Variants in CLCN3 observed in about 807,000 individuals in gnomAD.
The protein encoded by CLCN3 is H(+)/Cl(-) exchange transporter 3.
In CLCN3, 16 loss-of-function variants were observed where a neutral mutation model predicts 83.4. The ratio of observed to expected loss-of-function variants is 0.19; its 90% CI spans 0.13 to 0.29. The LOEUF (loss-of-function observed/expected upper bound fraction) is 0.29. Among genes scored for constraint, CLCN3 ranks in the 10% least tolerant of loss-of-function variants. CLCN3 has a pLI of 1.00. For missense variants in CLCN3, 544 were observed against 1,006.0 expected (o/e 0.54, Z 6.21); for synonymous variants, 322 against 346.2 (o/e 0.93, Z 0.78).
chr4:169,673,440 CGTAA>C (rs1031861588), intron 2 of CLCN3, among the ~76,000 whole-genome samples: 1 of 152,136 alleles, frequency 6.6e-6, no homozygotes, highest in Non-Finnish European at 1.5e-5. Context: ...CTTCGTCATT[CGTAA>C]GTCTTTGCAG....
intron 4 of CLCN3, among the ~76,000 whole-genome samples, chr4:169,688,052 C>T (rs1029190870): frequency 2.0e-5 from 3 of 152,266 alleles, no homozygotes; most frequent in East Asian, 1.9e-4. Context: ...ATATTAACAT[C>T]GTAATAAATA....
chr4:169,679,880 C>T (rs533599525), intron 2 of CLCN3, among the ~76,000 whole-genome samples, 170 bp from the exon 3 acceptor site: 90 of 121,378 alleles, frequency 7.4e-4, no homozygotes, highest in African/African-American at 2.0e-3. Flanking sequence ...CCGTGGAAGG[C>T]GGGAGTCGGA....
At chr4:169,651,698 C>T (rs547334454) in intron 2 of CLCN3, among the ~76,000 whole-genome samples, 1 of 152,262 alleles carries the variant, frequency 6.6e-6, no homozygotes, top group African/African-American at 2.4e-5. Flanking sequence ...AACAACCATC[C>T]ATTTTTTTCC....
In CLCN3 at chr4:169,707,110, C is replaced by T; in HGVS notation, c.1993C>T (p.Pro665Ser). 1 of 1,614,066 alleles carries T rather than the reference C, an allele frequency of 6.2e-7. No homozygotes were observed. The highest frequency in any genetic ancestry group is 1.1e-5 in the South Asian group (1 of 91,074). Reference sequence around the variant, plus strand: ...CGTTATGAGACCTCGAAGGAATGATCCTCCCTTAGCTGTCCTGACACAGGA... The same window carrying T: ...CGTTATGAGACCTCGAAGGAATGATTCTCCCTTAGCTGTCCTGACACAGGA... ...ADVMRPRRNDPPLAVLTQDNM... is the reference protein window; with the variant it reads ...ADVMRPRRNDSPLAVLTQDNM... Residue 665 changes from proline (P) to serine (S), a missense_variant, in exon 11 of 13, where the codon CCT (proline) becomes TCT (serine). Physicochemically the swap from Pro to Ser is moderately conservative, Grantham distance 74. This residue lies in a region of CLCN3 where 142 missense variants were observed against 225.0 expected (regional missense o/e 0.63). Transcript: ENST00000513761.
Position 169,707,178 on chromosome 4 carries a change from C to T in CLCN3, c.2061C>T (p.Thr687=). 1 of 1,613,764 alleles carries T rather than the reference C, an allele frequency of 6.2e-7. No individual in the cohort carries two copies. The change falls in exon 11 of 13, where the codon ACC becomes ACT. Residue 687 remains threonine (T), a synonymous_variant. Transcript: ENST00000513761. ...ATATAGAAAACATGATTAATGAAAC[C>T]AGCTACAATGGATTTCCTGTCATAA... ...VDDIENMINE[T]SYNGFPVIMS...
At chr4:169,679,030 G>C (rs1328806132) in intron 2 of CLCN3, among the ~76,000 whole-genome samples, 1 of 150,844 alleles carries the variant, frequency 6.6e-6, no homozygotes, top group Admixed American at 6.6e-5. Context: ...GGCGGCTGCC[G>C]GGCGGGGGCG....
chr4:169,706,839 C>G lies in CLCN3; in HGVS notation c.1751-29C>G, dbSNP rs1347369369. 1.9e-6 allele frequency: 3 copies of G among 1,588,230 alleles called. No homozygotes were observed. The South Asian group carries it at 3.4e-5, about 18-fold the overall frequency. ...ATGTAATGATGAGGATCCTGTCCTTCCTGACCAGTGGGTGCTTACTTTTTT... is the reference window on the plus strand; with the variant it reads ...ATGTAATGATGAGGATCCTGTCCTTGCTGACCAGTGGGTGCTTACTTTTTT... On this transcript the variant is annotated intron_variant, in intron 10 of 12. Transcript: ENST00000513761.
In CLCN3 at chr4:169,721,724, TTGTC is replaced by T. The variant is rs1332055841; in HGVS notation, c.*1731_*1734del. The stretch of plus-strand genomic sequence containing the variant: ...ATATTTGGGATTTTTGTTTTTGGAA[TTGTC>T]TGTTTTAATCACAGCCTTAATTCAC... On this transcript the variant is annotated 3_prime_UTR_variant, in exon 13 of 13. Transcript: ENST00000513761. 2.6e-5 allele frequency: 4 copies of T among 152,254 alleles called. No individual in the cohort carries two copies. The highest frequency in any genetic ancestry group is 4.4e-5 in the Non-Finnish European group (3 of 68,048). The allele number at this position is 152,254 out of a possible 1,614,324, so 9.4% of individuals were successfully genotyped here.
chr4:169,631,680 C>G (rs1773374860), intron 1 of CLCN3, among the ~76,000 whole-genome samples: 1 of 152,086 alleles, frequency 6.6e-6, no homozygotes, highest in African/African-American at 2.4e-5. Flanking sequence ...CAGACGTTAG[C>G]TAGATTAACA....
chr4:169,650,787 A>G (rs1397222057), intron 2 of CLCN3, among the ~76,000 whole-genome samples: 1 of 152,224 alleles, frequency 6.6e-6, no homozygotes, highest in Non-Finnish European at 1.5e-5. Context: ...ACTACTTTGT[A>G]AACATTTCTA....
At chr4:169,660,710 C>T (rs1731027001) in intron 2 of CLCN3, among the ~76,000 whole-genome samples, 1 of 152,188 alleles carries the variant, frequency 6.6e-6, no homozygotes, top group South Asian at 2.1e-4. Context: ...TTCTTTCTAA[C>T]TCTGAAAATG....
chr4:169,684,068 T>C (rs1732056268), intron 3 of CLCN3, among the ~76,000 whole-genome samples: 2 of 152,354 alleles, frequency 1.3e-5, no homozygotes, highest in Middle Eastern at 3.4e-3. Context: ...AGCCTTTCTA[T>C]GTCAGTGCAT....
rs13435622 is a variant in CLCN3, at chr4:169,721,339, T to C, written c.*1342T>C. On this transcript the variant is annotated 3_prime_UTR_variant, in exon 13 of 13. Coordinates refer to ENST00000513761, the MANE Select transcript of CLCN3 (RefSeq NM_001829.4). ...TGGGAACAAAGGTTTAAAAAAAGGT[T>C]GTGGTTCTCTCTCTGTGATCCAGTG... 3.4e-4 allele frequency: 52 copies of C among 152,202 alleles called. No homozygotes were observed. The highest frequency in any genetic ancestry group is 1.0e-3 in the African/African-American group (42 of 41,456). 9.4% of individuals were successfully genotyped at this position (152,202 alleles called of 1,614,324 possible).
intron 2 of CLCN3, among the ~76,000 whole-genome samples, chr4:169,647,240 A>AT (rs1414314394): frequency 6.6e-6 from 1 of 152,100 alleles, no homozygotes; most frequent in East Asian, 1.9e-4. Context: ...AAATAGAAAA[A>AT]TTAGCTGGAC....
chr4:169,716,277 G>C (rs1417194521), intron 12 of CLCN3, among the ~76,000 whole-genome samples: 1 of 152,106 alleles, frequency 6.6e-6, no homozygotes, highest in Non-Finnish European at 1.5e-5. Flanking sequence ...TAAATACAGA[G>C]ATTACTGTGT....
At chr4:169,635,200 A>C (rs1393098908) in intron 1 of CLCN3, among the ~76,000 whole-genome samples, 1 of 152,170 alleles carries the variant, frequency 6.6e-6, no homozygotes, top group Admixed American at 6.5e-5. Context: ...GCATCTTTCA[A>C]GTCCCACCCA....
At chr4:169,711,445 C>A (rs781110829) in intron 11 of CLCN3, among the ~76,000 whole-genome samples, 15 of 152,162 alleles carry the variant, frequency 9.9e-5, no homozygotes, top group South Asian at 2.1e-4. Context: ...CTCACTGCAA[C>A]CTCCGCCTCC....
At chr4:169,641,839 GATTC>G (rs1383178460) in intron 2 of CLCN3, among the ~76,000 whole-genome samples, 1 of 152,104 alleles carries the variant, frequency 6.6e-6, no homozygotes, top group Non-Finnish European at 1.5e-5. Flanking sequence ...CTAAGAGGCG[GATTC>G]ATATTAACTA....
chr4:169,657,822 T>A (rs1191328902), intron 2 of CLCN3, among the ~76,000 whole-genome samples: 1 of 152,188 alleles, frequency 6.6e-6, no homozygotes. Flanking sequence ...CTTGAATTTG[T>A]CTTCTGCTCT....
Sources: gnomAD v4.1 joint callset for allele counts (sites outside exome capture counted in the v4.1 genomes callset) on GRCh38, gnomAD v4.1.1 for gene constraint, gnomAD v4.1.1 regional missense constraint, MANE v1.5 for transcripts, NCBI Gene and HGNC (gene_info 2026-07-23, HGNC 2026-07-21) for gene names.